TENM4: variants seen among roughly 807,000 people sequenced by gnomAD.
The protein encoded by TENM4 is teneurin transmembrane protein 4.
In TENM4, 82 loss-of-function variants were observed where a neutral mutation model predicts 243.3. The ratio of observed to expected loss-of-function variants is 0.34; its 90% CI spans 0.28 to 0.40. TENM4 has a LOEUF of 0.40. TENM4 is among the 10% of genes least tolerant of loss of function. The pLI is 1.00. For missense variants in TENM4, 3,138 were observed against 3,673.3 expected (o/e 0.85, Z 3.77); for synonymous variants, 1,412 against 1,456.3 (o/e 0.97, Z 0.69).
intron 6 of TENM4, among the ~76,000 whole-genome samples, chr11:78,915,374 A>G (rs182094438): frequency 1.2e-4 from 18 of 152,206 alleles, no homozygotes; most frequent in Admixed American, 5.9e-4. Flanking sequence ...CCAAGGGCAG[A>G]GGTTGTATCT....
chr11:78,714,237 A>C (rs1463758455), intron 25 of TENM4, among the ~76,000 whole-genome samples: 1 of 152,138 alleles, frequency 6.6e-6, no homozygotes, highest in Non-Finnish European at 1.5e-5. Flanking sequence ...TATTTTACAG[A>C]TTTGTGTTTT....
chr11:78,828,825 C>T, intron 12 of TENM4, among the ~76,000 whole-genome samples: 1 of 152,244 alleles, frequency 6.6e-6, no homozygotes, highest in East Asian at 1.9e-4. Context: ...CTTTATAGAA[C>T]CTTCTGGCCA....
chr11:78,714,470 CT>C (rs1212414419), intron 25 of TENM4, among the ~76,000 whole-genome samples: 13 of 152,232 alleles, frequency 8.5e-5, no homozygotes, highest in African/African-American at 2.7e-4. Context: ...TTTTCTCCAA[CT>C]GTCCTTCCTC....
At chr11:78,924,631 G>T (rs1856516674) in intron 6 of TENM4, 1 of 152,124 alleles carries the variant, frequency 6.6e-6, no homozygotes, top group South Asian at 2.1e-4. Flanking sequence ...ACAGTGCCTG[G>T]CACATAGCAG....
intron 1 of TENM4, among the ~76,000 whole-genome samples, chr11:79,403,813 G>C (rs1190340044): frequency 6.6e-6 from 1 of 152,182 alleles, no homozygotes; most frequent in Non-Finnish European, 1.5e-5. Flanking sequence ...CCGGGGGGTT[G>C]AGGGGGGTGG....
At chr11:78,917,511 C>T (rs140637243) in intron 6 of TENM4, among the ~76,000 whole-genome samples, 42 of 152,118 alleles carry the variant, frequency 2.8e-4, no homozygotes, top group Non-Finnish European at 4.9e-4. Flanking sequence ...TTTTTTATAT[C>T]GGCTCAGGAG....
intron 1 of TENM4, among the ~76,000 whole-genome samples, chr11:79,393,183 A>G (rs1466300849): frequency 6.6e-6 from 1 of 152,142 alleles, no homozygotes; most frequent in Non-Finnish European, 1.5e-5. Flanking sequence ...CAGGTAGATT[A>G]CTGGGTTTAG....
At chr11:79,334,136 C>T (rs1056364002) in intron 1 of TENM4, among the ~76,000 whole-genome samples, 1 of 152,284 alleles carries the variant, frequency 6.6e-6, no homozygotes, top group African/African-American at 2.4e-5. Context: ...GGAATGAGAG[C>T]CCCAACAAAA....
intron 3 of TENM4, among the ~76,000 whole-genome samples, chr11:79,164,563 T>C (rs999973324): frequency 2.8e-5 from 4 of 145,124 alleles, no homozygotes; most frequent in African/African-American, 1.0e-4. Context: ...ATACTATATA[T>C]ACTATATACT....
chr11:78,724,492 C>G (rs1855471183), intron 23 of TENM4, among the ~76,000 whole-genome samples: 1 of 152,284 alleles, frequency 6.6e-6, no homozygotes, highest in South Asian at 2.1e-4. Flanking sequence ...GAAGTGAGGA[C>G]TTAATTTATC....
intron 21 of TENM4, 121 bp from the exon 22 acceptor site, chr11:78,729,764 G>A (rs779807755): frequency 1.2e-4 from 158 of 1,317,480 alleles, no homozygotes; most frequent in Non-Finnish European, 1.5e-4. Context: ...GAAGGAGAGA[G>A]GAGGGGAAAA....
chr11:78,730,544 G>C (rs762018903), intron 21 of TENM4, among the ~76,000 whole-genome samples: 1 of 152,134 alleles, frequency 6.6e-6, no homozygotes, highest in East Asian at 1.9e-4. Context: ...CCCGGGGAAC[G>C]CTCAGGTCAC....
At chr11:78,970,988 TA>T (rs1157241217) in intron 6 of TENM4, among the ~76,000 whole-genome samples, 2 of 151,992 alleles carry the variant, frequency 1.3e-5, no homozygotes, top group African/African-American at 4.8e-5. Context: ...TTAGCATATA[TA>T]GTTCTTTTTA....
intron 6 of TENM4, among the ~76,000 whole-genome samples, chr11:79,018,765 T>A (rs1160990847): frequency 6.6e-6 from 1 of 152,232 alleles, no homozygotes; most frequent in Non-Finnish European, 1.5e-5. Context: ...ACTCTGGCCA[T>A]GCTGATCTAC....
chr11:78,932,297 T>C (rs485091), intron 6 of TENM4, among the ~76,000 whole-genome samples: 27,209 of 151,924 alleles, frequency 0.18, 2,743 homozygotes, highest in Middle Eastern at 0.24. Context: ...TCCAGCCCTA[T>C]GAGATGATGG....
intron 4 of TENM4, among the ~76,000 whole-genome samples, chr11:79,141,953 A>G (rs1862293408): frequency 1.3e-5 from 2 of 152,076 alleles, no homozygotes; most frequent in Admixed American, 1.3e-4. Flanking sequence ...TTATGATAAA[A>G]ATTCTAAAAA....
chr11:78,918,639 T>C (rs992948492), intron 6 of TENM4, among the ~76,000 whole-genome samples: 28 of 152,118 alleles, frequency 1.8e-4, no homozygotes, highest in Admixed American at 3.9e-4. Context: ...TAAGATGCAA[T>C]GCAGAGGTGC....
intron 16 of TENM4, among the ~76,000 whole-genome samples, chr11:78,786,162 C>A (rs574736852): frequency 4.6e-5 from 7 of 152,308 alleles, no homozygotes; most frequent in African/African-American, 1.7e-4. Context: ...AGGAAGGGAA[C>A]GAAGTGATCA....
intron 2 of TENM4, chr11:79,221,153 C>G (rs936852647): frequency 1.3e-5 from 2 of 152,224 alleles, no homozygotes; most frequent in African/African-American, 2.4e-5. Context: ...GGGGAAGAAA[C>G]GAAGCATCAA....
Sources: allele counts gnomAD v4.1 joint callset (sites outside exome capture counted in the v4.1 genomes callset), GRCh38; gene constraint gnomAD v4.1.1; transcripts MANE v1.5; gene names NCBI Gene and HGNC (gene_info 2026-07-23, HGNC 2026-07-21).